CHCHD3: variants seen among roughly 807,000 people sequenced by gnomAD.
CHCHD3 encodes MICOS complex subunit MIC19.
In CHCHD3, 20 loss-of-function variants were observed where a neutral mutation model predicts 38.2. The observed-to-expected ratio is 0.52, with a 90% confidence interval of 0.37 to 0.76. CHCHD3 has a LOEUF of 0.76. Among genes scored for constraint, CHCHD3 ranks in the 30% least tolerant of loss-of-function variants. CHCHD3 has a pLI of 0.00. For synonymous variants in CHCHD3, 82 were observed against 100.0 expected, an observed-to-expected ratio of 0.82 and a Z score of 1.07; for missense variants, 245 against 279.2, an observed-to-expected ratio of 0.88 and a Z score of 0.87.
chr7:132,998,469 C>A (rs1812483132), intron 3 of CHCHD3, among the ~76,000 whole-genome samples: 1 of 152,136 alleles, frequency 6.6e-6, no homozygotes, highest in South Asian at 2.1e-4. Flanking sequence ...GCTTCACCAA[C>A]TGAATTTCGA....
chr7:132,903,120 G>A (rs1044695198), intron 4 of CHCHD3, among the ~76,000 whole-genome samples: 3 of 152,168 alleles, frequency 2.0e-5, no homozygotes, highest in African/African-American at 7.2e-5. Context: ...ATCTGCAAGG[G>A]ATTGGTTCCA....
At chr7:133,063,251 A>G (rs1814570906) in intron 2 of CHCHD3, among the ~76,000 whole-genome samples, 1 of 152,164 alleles carries the variant, frequency 6.6e-6, no homozygotes, top group Non-Finnish European at 1.5e-5. Flanking sequence ...TGGGGAGAAA[A>G]GGACTGAAGC....
chr7:133,070,687 A>G (rs1814796302), intron 1 of CHCHD3, among the ~76,000 whole-genome samples: 2 of 152,078 alleles, frequency 1.3e-5, no homozygotes, highest in Non-Finnish European at 2.9e-5. Flanking sequence ...CGCTCTTTCA[A>G]CAGATTTCAT....
chr7:132,992,021 G>C (rs144301631), intron 3 of CHCHD3, among the ~76,000 whole-genome samples: 36 of 152,274 alleles, frequency 2.4e-4, no homozygotes, highest in Non-Finnish European at 1.2e-4. Flanking sequence ...TCATGATGTG[G>C]AGCTGGCGGG....
Position 132,903,567 on chromosome 7 carries a change from C to T in CHCHD3, c.370-17822G>A, listed in dbSNP as rs558602579. On this transcript the variant is annotated intron_variant, in intron 4 of 7. Transcript: ENST00000262570. ...CCCAGGAGAGCTCACCAGGCAGATC[C>T]ATCTCTAGGTTTGAACCCAACAACA... Among the ~76,000 whole-genome samples the T allele has an allele frequency of 2.0e-5, 3 of 152,314 alleles. No homozygotes were observed. In the South Asian group the frequency reaches 6.2e-4, roughly 32 times the overall value.
intron 2 of CHCHD3, chr7:133,034,538 CA>C: frequency 1.1e-5 from 2 of 181,954 alleles, no homozygotes; most frequent in Non-Finnish European, 2.0e-5. Context: ...TTTCAATGTT[CA>C]GTTTCCTTTA....
intron 6 of CHCHD3, among the ~76,000 whole-genome samples, chr7:132,822,863 C>G (rs1329245571): frequency 6.6e-6 from 1 of 151,610 alleles, no homozygotes; most frequent in Non-Finnish European, 1.5e-5. Flanking sequence ...AAAACCAAAA[C>G]CAATCACTTG....
intron 2 of CHCHD3, among the ~76,000 whole-genome samples, chr7:133,052,587 T>C (rs1485472935): frequency 2.0e-5 from 3 of 152,214 alleles, no homozygotes; most frequent in Admixed American, 2.0e-4. Flanking sequence ...TAACGAACTG[T>C]TAAAATGCTC....
Position 132,898,310 on chromosome 7 carries a change from G to C in CHCHD3, c.370-12565C>G, listed in dbSNP as rs568580263. Among the ~76,000 whole-genome samples, 34 of 152,264 alleles carry C rather than the reference G, an allele frequency of 2.2e-4. 3 individuals carry two copies. The highest frequency in any genetic ancestry group is 7.7e-4 in the African/African-American group (32 of 41,564). On this transcript the variant is annotated intron_variant, in intron 4 of 7. Coordinates refer to ENST00000262570, the MANE Select transcript of CHCHD3 (RefSeq NM_017812.4). ...CCACATCCTGCTGATTGGTAGAGCC[G>C]AGTGGTCTGTTTTGACAGGGCGCTG...
chr7:133,011,008 G>A (rs1439986565), intron 3 of CHCHD3, among the ~76,000 whole-genome samples: 2 of 152,172 alleles, frequency 1.3e-5, no homozygotes, highest in Non-Finnish European at 2.9e-5. Context: ...AAAATGACCA[G>A]GGAAATCCTC....
chr7:132,906,378 A>C (rs964859962), intron 4 of CHCHD3, among the ~76,000 whole-genome samples: 1 of 152,164 alleles, frequency 6.6e-6, no homozygotes, highest in Non-Finnish European at 1.5e-5. Context: ...ATTAATCTGA[A>C]ACTGAAAACA....
chr7:132,787,192 G>A (rs531500753), intron 7 of CHCHD3, among the ~76,000 whole-genome samples: 1 of 152,312 alleles, frequency 6.6e-6, no homozygotes, highest in African/African-American at 2.4e-5. Context: ...AGAAAGGGTG[G>A]AAAGAGGGCC....
intron 4 of CHCHD3, among the ~76,000 whole-genome samples, chr7:132,919,817 C>A (rs1328143600): frequency 6.6e-6 from 1 of 152,174 alleles, no homozygotes; most frequent in African/African-American, 2.4e-5. Flanking sequence ...CCCTCTAACA[C>A]CACTTCTAAA....
intron 6 of CHCHD3, among the ~76,000 whole-genome samples, chr7:132,800,283 T>C (rs912690237): frequency 1.3e-5 from 2 of 152,188 alleles, no homozygotes; most frequent in African/African-American, 2.4e-5. Context: ...GACTTTCCTG[T>C]AAGTTAAATT....
intron 6 of CHCHD3, among the ~76,000 whole-genome samples, chr7:132,837,022 GCA>G (rs1283199345): frequency 4.6e-5 from 7 of 152,072 alleles, no homozygotes; most frequent in African/African-American, 1.2e-4. Context: ...CAACTACAGA[GCA>G]CAGTTTTCCT....
intron 3 of CHCHD3, among the ~76,000 whole-genome samples, chr7:133,013,250 A>G (rs1415485839): frequency 6.6e-6 from 1 of 151,354 alleles, no homozygotes; most frequent in Non-Finnish European, 1.5e-5. Context: ...GCTGGATCAG[A>G]AAATAATTTA....
chr7:133,047,611 GTTTA>G (rs377077485), intron 2 of CHCHD3, among the ~76,000 whole-genome samples: 1 of 152,228 alleles, frequency 6.6e-6, no homozygotes, highest in African/African-American at 2.4e-5. Context: ...AAAAAATCCA[GTTTA>G]TTTGTCATTC....
chr7:133,016,226 T>C (rs1006050464), intron 3 of CHCHD3, among the ~76,000 whole-genome samples: 4 of 152,218 alleles, frequency 2.6e-5, no homozygotes, highest in African/African-American at 4.8e-5. Context: ...AGGGGTGTTA[T>C]ATAGTTGAAA....
chr7:132,797,845 C>A (rs997524523), intron 6 of CHCHD3, among the ~76,000 whole-genome samples: 1 of 152,024 alleles, frequency 6.6e-6, no homozygotes, highest in Admixed American at 6.6e-5. Context: ...GTTTGGACTG[C>A]AAGGATTAAA....
Sources: gnomAD v4.1 joint callset for allele counts (sites outside exome capture counted in the v4.1 genomes callset) on GRCh38, gnomAD v4.1.1 for gene constraint, MANE v1.5 for transcripts, NCBI Gene and HGNC (gene_info 2026-07-23, HGNC 2026-07-21) for gene names.